CD164L2: variants seen among roughly 807,000 people sequenced by gnomAD.
The protein encoded by CD164L2 is CD164 sialomucin-like 2 protein.
Under a neutral mutation model 23.9 loss-of-function variants are expected in CD164L2, and 21 were observed. The observed-to-expected ratio is 0.88, with a 90% CI of 0.62 to 1.27. The LOEUF (loss-of-function observed/expected upper bound fraction) is 1.27, where lower values mean the gene tolerates loss of function less well. CD164L2 is among the 50% of genes most tolerant of loss of function. The probability of loss-of-function intolerance (pLI) is 0.00; values close to 1 mark genes in which losing one functional copy is unlikely to be tolerated. For missense variants in CD164L2, 230 were observed against 224.8 expected (o/e 1.02, Z -0.15); for synonymous variants, 92 against 90.2 (o/e 1.02, Z -0.11).
chr1:27,382,577 C>A lies in CD164L2; in HGVS notation c.179G>T (p.Cys60Phe). The change falls in exon 2 of 6, where the codon TGT becomes TTT. Residue 60 changes from cysteine (C) to phenylalanine (F), a missense_variant. Physicochemically the swap from Cys to Phe is radical, Grantham distance 205. Transcript: ENST00000374030. ...TCCGTCTCCCTCCACGCAGTGCTCA[C>A]AGACCTCCAGCTGTTTGCAGGCCCC... ...VQGACKQLEV[C>F]EHCVEGDGAR... 1 of 1,613,664 alleles carries A rather than the reference C, an allele frequency of 6.2e-7. No individual in the cohort carries two copies. Among genetic ancestry groups the A allele is most frequent in the Non-Finnish European group, 8.5e-7 (1 of 1,179,936 alleles).
chr1:27,380,091 G>A lies in CD164L2; in HGVS notation c.478C>T (p.Leu160=), dbSNP rs768373343. The A allele has an allele frequency of 1.2e-6, 2 of 1,614,068 alleles. No homozygotes were observed. Among genetic ancestry groups the A allele is most frequent in the Non-Finnish European group, 1.7e-6 (2 of 1,179,948 alleles). ...CTGTCCTTGGCCTTGAGGAAGTGCAGCACAAAGAAAGCCACCGCCTGTAGG... is the reference window on the plus strand; with the variant it reads ...CTGTCCTTGGCCTTGAGGAAGTGCAACACAAAGAAAGCCACCGCCTGTAGG... The part of the protein sequence containing the change: ...LSLQAVAFFV[L]HFLKAKDSTY... The change falls in exon 5 of 6, where the codon CTG becomes TTG. Residue 160 remains leucine (L), a synonymous_variant. Coordinates refer to ENST00000374030, the MANE Select transcript of CD164L2 (RefSeq NM_001330448.1).
chr1:27,380,182 G>C lies in CD164L2; in HGVS notation c.387C>G (p.Val129=), dbSNP rs983612102. ...PKTVTTGSPP[V]PEAHSPGFDG... ...CAAATCCAGGGCTGTGGGCCTCAGG[G>C]ACTGGGGGGCTCCCTGCAGGGGTGA... Residue 129 remains valine (V), a synonymous_variant, in exon 5 of 6, where the codon GTC becomes GTG. Coordinates refer to ENST00000374030, the MANE Select transcript of CD164L2 (RefSeq NM_001330448.1). The C allele has an allele frequency of 6.2e-7, 1 of 1,613,988 alleles. No homozygotes were observed. Among genetic ancestry groups the C allele is most frequent in the Non-Finnish European group, 8.5e-7 (1 of 1,179,982 alleles).
intron 1 of CD164L2, among the ~76,000 whole-genome samples, 172 bp from the exon 2 acceptor site, chr1:27,382,839 G>T (rs1369750589): frequency 2.0e-5 from 3 of 151,336 alleles, no homozygotes; most frequent in Admixed American, 6.6e-5. Flanking sequence ...CCACAGCAGA[G>T]GTCTACACAC....
At chr1:27,379,907 G>T in intron 5 of CD164L2, 144 bp downstream of exon 5, 2 of 1,514,276 alleles carry the variant, frequency 1.3e-6, no homozygotes, top group East Asian at 2.3e-5. Context: ...GACAAAAGGG[G>T]TGTGGCTCAC....
intron 4 of CD164L2, 109 bp from the exon 5 acceptor site, chr1:27,380,304 G>T: frequency 1.9e-6 from 2 of 1,032,400 alleles, no homozygotes; most frequent in Non-Finnish European, 2.9e-6. Context: ...CCTCAATATG[G>T]GGTGCTTAAA....
intron 4 of CD164L2, among the ~76,000 whole-genome samples, chr1:27,381,310 C>A (rs545718374): frequency 1.3e-5 from 2 of 152,322 alleles, no homozygotes; most frequent in South Asian, 2.1e-4. Flanking sequence ...CCTGCCAAGT[C>A]TGGTGACCTC....
Position 27,379,208 on chromosome 1 carries a change from G to T in CD164L2, c.*295C>A. ...CAGAGTTCCTTTATTTGGGGGCAGT[G>T]CCCAGGCCAGTTGGTGGAAAGAGGC... is the stretch of plus-strand genomic sequence containing the variant. On this transcript the variant is annotated 3_prime_UTR_variant, in exon 6 of 6. Coordinates refer to ENST00000374030, the MANE Select transcript of CD164L2 (RefSeq NM_001330448.1). 1.8e-6 allele frequency: 1 copy of T among 550,178 alleles called. No individual in the cohort carries two copies. Among genetic ancestry groups the T allele is most frequent in the Non-Finnish European group, 3.3e-6 (1 of 305,048 alleles). The allele number at this position is 550,178 out of a possible 1,614,324, so 34.1% of individuals were successfully genotyped here. A position where few individuals can be genotyped will look rare whatever the true frequency, so the allele number is the denominator to read the frequency against.
intron 3 of CD164L2, 117 bp downstream of exon 3, chr1:27,382,211 C>T (rs762299312): frequency 6.8e-6 from 11 of 1,607,070 alleles, no homozygotes; most frequent in African/African-American, 1.3e-5. Flanking sequence ...GAACTGATAC[C>T]GGGCCCAGGT....
At chr1:27,383,023 CT>C in intron 1 of CD164L2, 128 bp downstream of exon 1, 7 of 738,124 alleles carry the variant, frequency 9.5e-6, no homozygotes, top group Non-Finnish European at 1.6e-5. Context: ...TCTCCCACCC[CT>C]GGAGGCCTGC....
rs771723363 is a variant in CD164L2 at position 27,383,113 on chromosome 1, T to C, written c.88+39A>G. 2.0e-6 allele frequency: 3 copies of C among 1,476,254 alleles called. No individual in the cohort carries two copies. In the South Asian group the frequency reaches 3.6e-5, roughly 18 times the overall value. 91.4% of individuals were successfully genotyped at this position (1,476,254 alleles called of 1,614,324 possible). A position where few individuals can be genotyped will look rare whatever the true frequency, so the allele number is the denominator to read the frequency against. On this transcript the variant is annotated intron_variant, in intron 1 of 5. Transcript: ENST00000374030. ...CTGGCTGAGGTGCAAGCTCCATCCG[T>C]CCCCGTCGAGCCCCTAGCCAGACCC...
rs2016292005 is a variant in CD164L2, at chr1:27,379,194, TATTTG to T, written c.*304_*308del. ...CATGAAGTGCAGTGCAGAGTTCCTT[TATTTG>T]GGGGCAGTGCCCAGGCCAGTTGGTG... On this transcript the variant is annotated 3_prime_UTR_variant, in exon 6 of 6. Transcript: ENST00000374030. The T allele has an allele frequency of 1.1e-5, 6 of 523,832 alleles. No homozygotes were observed. Among genetic ancestry groups the T allele is most frequent in the Non-Finnish European group, 2.1e-5 (6 of 288,956 alleles). The allele number at this position is 523,832 out of a possible 1,614,324, so 32.4% of individuals were successfully genotyped here. A position where few individuals can be genotyped will look rare whatever the true frequency, so the allele number is the denominator to read the frequency against.
intron 5 of CD164L2, 167 bp downstream of exon 5, chr1:27,379,884 C>A: frequency 6.6e-7 from 1 of 1,504,392 alleles, no homozygotes; most frequent in Non-Finnish European, 8.8e-7. Context: ...AAGGAAACAC[C>A]CCAACTGGAG....
rs1436080838 is a variant in CD164L2 at position 27,382,637 on chromosome 1, G to T, written c.119C>A (p.Ala40Asp). 1 of 1,612,598 alleles carries T rather than the reference G, an allele frequency of 6.2e-7. No individual in the cohort carries two copies. Among genetic ancestry groups the T allele is most frequent in the South Asian group, 1.1e-5 (1 of 90,990 alleles). The change falls in exon 2 of 6, where the codon GCC becomes GAC. Residue 40 changes from alanine to aspartate, a missense_variant. Ala to Asp is a moderately radical substitution (Grantham distance 126, BLOSUM62 -2). Transcript: ENST00000374030. ...GKGARGFGRG[A>D]LIRLNIWPAV... Reference sequence around the variant, plus strand: ...CGGCCAGATATTCAGGCGGATCAGGGCTCCCCTCCCAAAGCCTCGAGCTCC... The same window carrying T: ...CGGCCAGATATTCAGGCGGATCAGGTCTCCCCTCCCAAAGCCTCGAGCTCC...
rs1436020814 is a variant in CD164L2 at position 27,382,578 on chromosome 1, A to T, written c.178T>A (p.Cys60Ser). Residue 60 changes from cysteine (C) to serine (S), a missense_variant, in exon 2 of 6, where the codon TGT becomes AGT. Cys to Ser is a moderately radical substitution (Grantham distance 112). Coordinates refer to ENST00000374030, the MANE Select transcript of CD164L2 (RefSeq NM_001330448.1). ...VQGACKQLEV[C>S]EHCVEGDGAR... Reference sequence around the variant, plus strand: ...CCGTCTCCCTCCACGCAGTGCTCACAGACCTCCAGCTGTTTGCAGGCCCCT... The same window carrying T: ...CCGTCTCCCTCCACGCAGTGCTCACTGACCTCCAGCTGTTTGCAGGCCCCT... 1.2e-6 allele frequency: 2 copies of T among 1,613,626 alleles called. No homozygotes were observed. Among genetic ancestry groups the T allele is most frequent in the East Asian group, 2.2e-5 (1 of 44,884 alleles).
chr1:27,381,353 G>A (rs1571098388), intron 4 of CD164L2, among the ~76,000 whole-genome samples: 1 of 152,202 alleles, frequency 6.6e-6, no homozygotes, highest in African/African-American at 2.4e-5. Flanking sequence ...AGCAAAGGGT[G>A]GCATTCTTGC....
At chr1:27,381,670 AG>A in intron 4 of CD164L2, 109 bp downstream of exon 4, 1 of 1,201,688 alleles carries the variant, frequency 8.3e-7, no homozygotes. Flanking sequence ...ACAGGCTCCG[AG>A]GGAGAAGGCG....
intron 3 of CD164L2, chr1:27,382,090 C>T (rs765328399): frequency 2.0e-6 from 3 of 1,482,376 alleles, no homozygotes; most frequent in Non-Finnish European, 2.7e-6. Context: ...CCTTGCTATG[C>T]CTTAAACTAG....
Position 27,382,352 on chromosome 1 carries a change from A to T in CD164L2, c.304T>A (p.Tyr102Asn), listed in dbSNP as rs1371253870. Reference sequence around the variant, plus strand: ...CCTGGACATGCCTCTGAGCGGTTGTAGATGGAGCAACCTTCCTTGACCACC... The same window carrying T: ...CCTGGACATGCCTCTGAGCGGTTGTTGATGGAGCAACCTTCCTTGACCACC... ...SEVVKEGCSI[Y>N]NRSEACPAAH... The change falls in exon 3 of 6, where the codon TAC (tyrosine) becomes AAC (asparagine). Residue 102 changes from tyrosine (Y) to asparagine (N), a missense_variant. By Grantham distance (143) the Tyr-to-Asn change is moderately radical (BLOSUM62 -2). Transcript: ENST00000374030. 1.2e-6 allele frequency: 2 copies of T among 1,613,770 alleles called. No individual in the cohort carries two copies. The highest frequency in any genetic ancestry group is 1.7e-6 in the Non-Finnish European group (2 of 1,179,834).
intron 5 of CD164L2, 124 bp downstream of exon 5, chr1:27,379,927 G>A (rs1329715826): frequency 2.6e-6 from 4 of 1,524,896 alleles, no homozygotes; most frequent in East Asian, 2.3e-5. Flanking sequence ...CATGGAGCAC[G>A]CTGTCACCGT....
Sources: gnomAD v4.1 joint callset for allele counts (sites outside exome capture counted in the v4.1 genomes callset) on GRCh38, gnomAD v4.1.1 for gene constraint, MANE v1.5 for transcripts, NCBI Gene and HGNC (gene_info 2026-07-23, HGNC 2026-07-21) for gene names.